Variants in LRP1B observed in about 807,000 individuals in gnomAD.
The protein encoded by LRP1B is LDL receptor related protein 1B.
A neutral mutation model predicts 556.6 loss-of-function variants in LRP1B; 217 were observed. The ratio of observed to expected loss-of-function variants is 0.39; its 90% confidence interval spans 0.35 to 0.44. The LOEUF is 0.44. Ranked by LOEUF, LRP1B falls within the 20% of genes least tolerant of loss-of-function variation. The probability of loss-of-function intolerance (pLI) is 1.00; values close to 1 mark genes in which losing one functional copy is unlikely to be tolerated. For missense variants in LRP1B, 5,053 were observed against 5,620.8 expected (o/e 0.90, Z 3.23); for synonymous variants, 2,047 against 1,865.8 (o/e 1.10, Z -2.50).
At chr2:141,550,238 A>G (rs529697641) in intron 2 of LRP1B, among the ~76,000 whole-genome samples, 10 of 152,294 alleles carry the variant, frequency 6.6e-5, no homozygotes, top group African/African-American at 2.2e-4. Context: ...TTCAATAGCC[A>G]TATGTTACCT....
chr2:140,344,929 A>G (rs759286699), intron 77 of LRP1B, among the ~76,000 whole-genome samples: 1 of 151,748 alleles, frequency 6.6e-6, no homozygotes, highest in Non-Finnish European at 1.5e-5. Context: ...AAACACCAAT[A>G]AAATAACTAC....
rs1245677024 is a variant in LRP1B, at chr2:140,536,563, C to T, written c.7642+18G>A. Reference sequence around the variant, plus strand: ...GAAAACTTTATCTGAAACGAGCAAACCCATATTGGACACTTACCACAGTAG... The same window carrying T: ...GAAAACTTTATCTGAAACGAGCAAATCCATATTGGACACTTACCACAGTAG... On this transcript the variant is annotated intron_variant, in intron 46 of 90. Coordinates refer to ENST00000389484, the MANE Select transcript of LRP1B (RefSeq NM_018557.3). 6.3e-7 allele frequency: 1 copy of T among 1,593,362 alleles called. No individual in the cohort carries two copies. Among genetic ancestry groups the T allele is most frequent in the Non-Finnish European group, 8.5e-7 (1 of 1,173,018 alleles).
chr2:141,803,168 C>G (rs569476561), intron 2 of LRP1B, among the ~76,000 whole-genome samples: 1 of 150,582 alleles, frequency 6.6e-6, no homozygotes, highest in East Asian at 2.0e-4. Context: ...TTGCTGAGCT[C>G]GTATGCCTGT....
At chr2:141,511,135 G>A (rs1445127616) in intron 2 of LRP1B, among the ~76,000 whole-genome samples, 5 of 151,994 alleles carry the variant, frequency 3.3e-5, no homozygotes, top group African/African-American at 7.2e-5. Flanking sequence ...TGCCCTCAAG[G>A]GATTGGACTG....
chr2:140,968,247 G>A (rs1167672840), intron 18 of LRP1B, among the ~76,000 whole-genome samples: 1 of 151,650 alleles, frequency 6.6e-6, no homozygotes, highest in African/African-American at 2.4e-5. Flanking sequence ...CTTCTTCCTG[G>A]TTTAGTCTTG....
chr2:141,453,296 A>G (rs908813716), intron 3 of LRP1B, among the ~76,000 whole-genome samples: 2 of 152,162 alleles, frequency 1.3e-5, no homozygotes, highest in African/African-American at 4.8e-5. Flanking sequence ...AATAATACAT[A>G]TTTAGATATT....
intron 49 of LRP1B, among the ~76,000 whole-genome samples, chr2:140,522,291 C>T (rs1012894425): frequency 5.3e-5 from 8 of 151,802 alleles, no homozygotes; most frequent in Admixed American, 5.3e-4. Flanking sequence ...CTCAAAACCA[C>T]ATAATATGGA....
intron 3 of LRP1B, among the ~76,000 whole-genome samples, chr2:141,384,607 T>A (rs1689762701): frequency 6.6e-6 from 1 of 152,134 alleles, no homozygotes; most frequent in Admixed American, 6.5e-5. Context: ...AGTCTCTTTA[T>A]TGCCTTCATG....
chr2:141,554,239 T>C (rs62169794), intron 2 of LRP1B, among the ~76,000 whole-genome samples: 40,361 of 104,364 alleles, frequency 0.39, 6,594 homozygotes, highest in East Asian at 0.69. Flanking sequence ...TATATATATC[T>C]ATAGGAATAG....
At chr2:141,319,914 A>T (rs1687177303) in intron 3 of LRP1B, among the ~76,000 whole-genome samples, 1 of 152,116 alleles carries the variant, frequency 6.6e-6, no homozygotes, top group African/African-American at 2.4e-5. Flanking sequence ...AATATGAAAT[A>T]ATATCTTTAA....
At chr2:141,577,322 A>AGGT (rs1250766546) in intron 2 of LRP1B, among the ~76,000 whole-genome samples, 30 of 152,290 alleles carry the variant, frequency 2.0e-4, no homozygotes, top group African/African-American at 7.0e-4. Context: ...GGGGTGACCT[A>AGGT]CACTACCAGG....
chr2:141,426,193 CTTGT>C (rs980727938), intron 3 of LRP1B, among the ~76,000 whole-genome samples: 29 of 152,036 alleles, frequency 1.9e-4, no homozygotes, highest in African/African-American at 7.0e-4. Context: ...TTCCTCATTG[CTTGT>C]TTTTCTCAGG....
chr2:140,542,814 T>C (rs147065313), intron 43 of LRP1B, among the ~76,000 whole-genome samples: 7 of 152,194 alleles, frequency 4.6e-5, no homozygotes, highest in African/African-American at 7.2e-5. Flanking sequence ...ACTGTGGGTA[T>C]CTGAAAAGAG....
chr2:141,770,627 G>T (rs1291602410), intron 2 of LRP1B, among the ~76,000 whole-genome samples: 1 of 152,130 alleles, frequency 6.6e-6, no homozygotes, highest in African/African-American at 2.4e-5. Context: ...GGATTTGAAA[G>T]CTTTTAGTAT....
chr2:140,767,099 T>A (rs1233938171), intron 35 of LRP1B, among the ~76,000 whole-genome samples: 2 of 151,790 alleles, frequency 1.3e-5, no homozygotes, highest in African/African-American at 2.4e-5. Flanking sequence ...CCAGGTTGTC[T>A]GTGGCTAAAC....
At chr2:140,909,108 T>C (rs938543117) in intron 21 of LRP1B, among the ~76,000 whole-genome samples, 1 of 152,214 alleles carries the variant, frequency 6.6e-6, no homozygotes, top group Non-Finnish European at 1.5e-5. Context: ...TTGTCGTCTA[T>C]GTAAATGTTT....
intron 3 of LRP1B, among the ~76,000 whole-genome samples, chr2:141,432,817 C>T (rs1680610081): frequency 6.7e-6 from 1 of 150,342 alleles, no homozygotes; most frequent in African/African-American, 2.4e-5. Context: ...TCAAGTTAAA[C>T]TTGCTGATTG....
chr2:142,033,009 G>A (rs994185945), intron 1 of LRP1B, among the ~76,000 whole-genome samples: 4 of 151,686 alleles, frequency 2.6e-5, no homozygotes, highest in South Asian at 2.1e-4. Context: ...TAATGGCTAC[G>A]CCACTTTAGT....
intron 6 of LRP1B, among the ~76,000 whole-genome samples, chr2:141,196,461 C>T (rs1377097527): frequency 6.6e-6 from 1 of 152,054 alleles, no homozygotes; most frequent in African/African-American, 2.4e-5. Flanking sequence ...CTCATCCTCC[C>T]ACAATCTAAT....
Sources: allele counts gnomAD v4.1 joint callset (sites outside exome capture counted in the v4.1 genomes callset), GRCh38; gene constraint gnomAD v4.1.1; transcripts MANE v1.5; gene names NCBI Gene and HGNC (gene_info 2026-07-23, HGNC 2026-07-21).